CHGB: variants seen among roughly 807,000 people sequenced by gnomAD.
CHGB encodes the protein chromogranin B.
In CHGB, 46 loss-of-function variants were observed where a neutral mutation model predicts 69.9. The observed-to-expected ratio is 0.66, with a 90% confidence interval of 0.52 to 0.84. CHGB has a LOEUF of 0.84. CHGB is among the 40% of genes least tolerant of loss of function. The probability of loss-of-function intolerance (pLI) is 0.00; values close to 1 mark genes in which losing one functional copy is unlikely to be tolerated. For synonymous variants in CHGB, 312 were observed against 298.2 expected (o/e 1.05, Z -0.48); for missense variants, 796 against 822.2 (o/e 0.97, Z 0.39).
intron 3 of CHGB, among the ~76,000 whole-genome samples, chr20:5,921,346 G>A (rs1004663421): frequency 1.3e-5 from 2 of 152,216 alleles, no homozygotes; most frequent in Admixed American, 1.3e-4. Context: ...TGCCTGCAGT[G>A]TAGACCCAGA....
chr20:5,912,847 C>T (rs539162873), intron 1 of CHGB, among the ~76,000 whole-genome samples: 2 of 152,120 alleles, frequency 1.3e-5, no homozygotes, highest in East Asian at 3.9e-4. Flanking sequence ...TTATTGGCAG[C>T]AATTACTAGA....
Position 5,924,031 on chromosome 20 carries a change from G to T in CHGB, c.1887G>T (p.Pro629=), listed in dbSNP as rs777300463. 1 of 1,613,644 alleles carries T rather than the reference G, an allele frequency of 6.2e-7. No individual in the cohort carries two copies. Among genetic ancestry groups the T allele is most frequent in the Non-Finnish European group, 8.5e-7 (1 of 1,179,800 alleles). ...CAGACTTCTATGATTCTGAGGAGCC[G>T]GTGAGCACCCACCAGGAGGCAGAAA... ...EFPDFYDSEE[P]VSTHQEAENE... Residue 629 remains proline (P), a synonymous_variant, in exon 4 of 5, where the codon CCG becomes CCT. Coordinates refer to ENST00000378961, the MANE Select transcript of CHGB (RefSeq NM_001819.3).
At position 5,923,393 on chromosome 20, in the gene CHGB, C is replaced by CACAGAG; in HGVS notation, c.1249_1250insACAGAG (p.Arg417delinsHisArgGly). Reference sequence around the variant, plus strand: ...GAGGGGCCTTGAGCCGGGAAAGGGACGCCATCACAGAGGCAGGGGAGGGGA... The same window carrying CACAGAG: ...GAGGGGCCTTGAGCCGGGAAAGGGACACAGAGGCCATCACAGAGGCAGGGGAGGGGA... On this transcript the variant is annotated protein_altering_variant, in exon 4 of 5. Transcript: ENST00000378961. 1.2e-6 allele frequency: 2 copies of CACAGAG among 1,613,918 alleles called. No individual in the cohort carries two copies. Among genetic ancestry groups the CACAGAG allele is most frequent in the Non-Finnish European group, 1.7e-6 (2 of 1,179,976 alleles).
At position 5,923,985 on chromosome 20, in the gene CHGB, G is replaced by C; in HGVS notation, c.1841G>C (p.Arg614Thr). 6.2e-7 allele frequency: 1 copy of C among 1,614,028 alleles called. No individual in the cohort carries two copies. Among genetic ancestry groups the C allele is most frequent in the Non-Finnish European group, 8.5e-7 (1 of 1,179,962 alleles). The part of the protein sequence containing the change: ...VAQLDQLLHY[R>T]KKSAEFPDFY... ...CAACTGGACCAGCTCCTTCACTACAGGAAGAAGTCAGCTGAGTTTCCAGAC... is the reference window on the plus strand; with the variant it reads ...CAACTGGACCAGCTCCTTCACTACACGAAGAAGTCAGCTGAGTTTCCAGAC... Residue 614 changes from arginine to threonine, a missense_variant, in exon 4 of 5, where the codon AGG (arginine) becomes ACG (threonine). By Grantham distance (71) the Arg-to-Thr change is moderately conservative. This residue lies in a region of CHGB where 274 missense variants were observed against 298.9 expected (regional missense o/e 0.92). Transcript: ENST00000378961.
At position 5,923,633 on chromosome 20, in the gene CHGB, G is replaced by C. The variant is rs757626975; in HGVS notation, c.1489G>C (p.Glu497Gln). Reference protein sequence around the residue: ...GDLQDTKENREEARFQDKQYS... With the variant: ...GDLQDTKENRQEARFQDKQYS... The stretch of plus-strand genomic sequence containing the variant: ...CCTGCAGGACACTAAAGAAAACAGG[G>C]AGGAAGCTAGGTTTCAAGATAAACA... The change falls in exon 4 of 5, where the codon GAG becomes CAG. Residue 497 changes from glutamate (E) to glutamine (Q), a missense_variant. Coordinates refer to ENST00000378961, the MANE Select transcript of CHGB (RefSeq NM_001819.3). 1.2e-6 allele frequency: 2 copies of C among 1,614,094 alleles called. No individual in the cohort carries two copies. Among genetic ancestry groups the C allele is most frequent in the Admixed American group, 3.3e-5 (2 of 60,014 alleles).
Position 5,925,198 on chromosome 20 carries a change from A to G in CHGB, c.*149A>G. The G allele has an allele frequency of 1.9e-6, 1 of 532,216 alleles. No individual in the cohort carries two copies. The highest frequency in any genetic ancestry group is 3.3e-6 in the Non-Finnish European group (1 of 300,626). The allele number at this position is 532,216 out of a possible 1,614,324, so 33.0% of individuals were successfully genotyped here. A position where few individuals can be genotyped will look rare whatever the true frequency, so the allele number is the denominator to read the frequency against. On this transcript the variant is annotated 3_prime_UTR_variant, in exon 5 of 5. Transcript: ENST00000378961. ...GTTTGACACAATTGGAATTGTCTTT[A>G]ATTTCTGTCAGAATGCTATTGAAAA...
At chr20:5,916,262 G>T in intron 1 of CHGB, 64 bp from the exon 2 acceptor site, 2 of 1,302,886 alleles carry the variant, frequency 1.5e-6, no homozygotes, top group Non-Finnish European at 2.2e-6. Context: ...GATTTTGTCA[G>T]TTGGGGTCAC....
Position 5,923,790 on chromosome 20 carries a change from G to C in CHGB, c.1646G>C (p.Gly549Ala). ...RDNMNDNFLE[G>A]EEENELTLNE... ...AACATGAATGACAATTTTCTCGAGG[G>C]TGAGGAGGAAAATGAGCTGACCTTG... The change falls in exon 4 of 5, where the codon GGT (glycine) becomes GCT (alanine). Residue 549 changes from glycine to alanine, a missense_variant. Physicochemically the swap from Gly to Ala is moderately conservative, Grantham distance 60. This residue lies in a region of CHGB where 274 missense variants were observed against 298.9 expected (regional missense o/e 0.92). Coordinates refer to ENST00000378961, the MANE Select transcript of CHGB (RefSeq NM_001819.3). 6.2e-7 allele frequency: 1 copy of C among 1,614,214 alleles called. No homozygotes were observed. Among genetic ancestry groups the C allele is most frequent in the Non-Finnish European group, 8.5e-7 (1 of 1,180,034 alleles).
intron 3 of CHGB, among the ~76,000 whole-genome samples, chr20:5,918,391 A>G (rs1353848394): frequency 6.6e-6 from 1 of 152,024 alleles, no homozygotes; most frequent in Non-Finnish European, 1.5e-5. Context: ...AGGCTCCATC[A>G]AAAACAAAAA....
At chr20:5,915,249 T>C (rs2088468749) in intron 1 of CHGB, among the ~76,000 whole-genome samples, 1 of 152,208 alleles carries the variant, frequency 6.6e-6, no homozygotes, top group Non-Finnish European at 1.5e-5. Flanking sequence ...ACTGAAAAAT[T>C]AAAATTACCT....
rs1568549746 is a variant in CHGB, at chr20:5,916,223, C to T, written c.50-103C>T. 9 of 811,502 alleles carry T rather than the reference C, an allele frequency of 1.1e-5. No individual in the cohort carries two copies. In the Admixed American group the frequency reaches 2.0e-4, roughly 18 times the overall value. The allele number at this position is 811,502 out of a possible 1,614,324, so 50.3% of individuals were successfully genotyped here. A position where few individuals can be genotyped will look rare whatever the true frequency, so the allele number is the denominator to read the frequency against. ...TTTCCAAATATATTTAAGACATTGC[C>T]AGGGGAAAAACAACAACTAATGTGG... On this transcript the variant is annotated intron_variant, in intron 1 of 4. Transcript: ENST00000378961.
At chr20:5,921,278 G>A (rs960475671) in intron 3 of CHGB, among the ~76,000 whole-genome samples, 1 of 151,922 alleles carries the variant, frequency 6.6e-6, no homozygotes, top group Non-Finnish European at 1.5e-5. Flanking sequence ...TACATATATA[G>A]CATGTCCCAG....
At chr20:5,915,574 A>G (rs1450196243) in intron 1 of CHGB, 1 of 152,248 alleles carries the variant, frequency 6.6e-6, no homozygotes, top group Non-Finnish European at 1.5e-5. Context: ...GAAGACATCC[A>G]TAACCATGTT....
Position 5,923,014 on chromosome 20 carries a change from C to G in CHGB, c.870C>G (p.Pro290=). ...RPRHHHGRSR[P]DRSSQGGSLP... ...GACACCACCACGGGAGGAGCAGGCC[C>G]GACAGGTCCTCTCAAGGAGGGAGTC... is the stretch of plus-strand genomic sequence containing the variant. The change falls in exon 4 of 5, where the codon CCC becomes CCG. Residue 290 remains proline, a synonymous_variant. Transcript: ENST00000378961. The G allele has an allele frequency of 6.2e-7, 1 of 1,611,718 alleles. No homozygotes were observed.
At chr20:5,920,763 A>G (rs1465641281) in intron 3 of CHGB, among the ~76,000 whole-genome samples, 1 of 152,206 alleles carries the variant, frequency 6.6e-6, no homozygotes, top group African/African-American at 2.4e-5. Context: ...TGCTATACAC[A>G]CCACCACTGG....
intron 1 of CHGB, chr20:5,915,694 C>A (rs1300672100): frequency 6.6e-6 from 1 of 152,050 alleles, no homozygotes; most frequent in Non-Finnish European, 1.5e-5. Flanking sequence ...CCAAGGAGGG[C>A]ATTCTTGTTT....
intron 3 of CHGB, 123 bp from the exon 4 acceptor site, chr20:5,922,212 T>C: frequency 5.4e-6 from 7 of 1,296,682 alleles, no homozygotes; most frequent in Non-Finnish European, 7.1e-6. Flanking sequence ...ATATTCTTCA[T>C]TAACTTAAAT....
At chr20:5,920,372 G>A (rs1164241740) in intron 3 of CHGB, among the ~76,000 whole-genome samples, 2 of 152,060 alleles carry the variant, frequency 1.3e-5, no homozygotes, top group African/African-American at 4.8e-5. Flanking sequence ...AGTCAGCTTG[G>A]GCTGCTATAT....
At position 5,921,989 on chromosome 20, in the gene CHGB, G is replaced by T. The variant is rs187560333; in HGVS notation, c.191-346G>T. Among the ~76,000 whole-genome samples the T allele has an allele frequency of 1.6e-4, 25 of 152,264 alleles. No individual in the cohort carries two copies. The East Asian group carries it at 4.6e-3, about 28-fold the overall frequency. On this transcript the variant is annotated intron_variant, in intron 3 of 4. Transcript: ENST00000378961. ...GTCTCAATGTCTGCAAAAAGAAGAGGTTGGACTGGATTAGATGAATTCTAA... is the reference window on the plus strand; with the variant it reads ...GTCTCAATGTCTGCAAAAAGAAGAGTTTGGACTGGATTAGATGAATTCTAA...
Sources: gnomAD v4.1 joint callset for allele counts (sites outside exome capture counted in the v4.1 genomes callset) on GRCh38, gnomAD v4.1.1 for gene constraint, gnomAD v4.1.1 regional missense constraint, MANE v1.5 for transcripts, NCBI Gene and HGNC (gene_info 2026-07-23, HGNC 2026-07-21) for gene names.